The following MYO16 variants were observed in gnomAD, a reference collection of about 807,000 sequenced individuals.
The protein encoded by MYO16 is myosin XVI.
MYO16 carries 94 observed loss-of-function variants against 205.3 expected under a neutral mutation model. The observed-to-expected ratio is 0.46, with a 90% CI of 0.39 to 0.54. MYO16 has a LOEUF of 0.54. MYO16 is among the 20% of genes least tolerant of loss of function. MYO16 has a pLI of 0.00. For missense variants in MYO16, 2,315 were observed against 2,387.5 expected, an observed-to-expected ratio of 0.97 and a Z score of 0.63; for synonymous variants, 988 against 954.0, an observed-to-expected ratio of 1.04 and a Z score of -0.66.
At chr13:108,532,961 T>C in the MYO16 span, among the ~76,000 whole-genome samples, 1 of 152,136 alleles carries the variant, frequency 6.6e-6, no homozygotes, top group African/African-American at 2.4e-5. Context: ...AAAAGCCAGC[T>C]GGCCTCCACT....
At chr13:109,081,572 G>A (rs963933032) in intron 27 of MYO16, among the ~76,000 whole-genome samples, 3 of 152,080 alleles carry the variant, frequency 2.0e-5, no homozygotes, top group African/African-American at 4.8e-5. Flanking sequence ...CTCCCGCAGG[G>A]GCCTTGAGCA....
At chr13:108,912,024 T>C (rs192962953) in intron 16 of MYO16, among the ~76,000 whole-genome samples, 124 of 152,202 alleles carry the variant, frequency 8.1e-4, no homozygotes, top group Non-Finnish European at 2.5e-4. Flanking sequence ...GTCCTGCTGG[T>C]TTTAAGACAG....
intron 1 of MYO16, among the ~76,000 whole-genome samples, chr13:108,619,059 A>G (rs1594147901): frequency 6.6e-6 from 1 of 152,142 alleles, no homozygotes; most frequent in African/African-American, 2.4e-5. Context: ...ATGTAAATAA[A>G]CAGAGTCATA....
intron 27 of MYO16, among the ~76,000 whole-genome samples, chr13:109,073,268 A>AT (rs5806778): frequency 0.064 from 9,402 of 146,344 alleles, 321 homozygotes; most frequent in Non-Finnish European, 0.085. Flanking sequence ...CTCCTGGCTA[A>AT]TTTTTTTTTT....
rs373324550 is a variant in MYO16, at chr13:108,776,941, G to A, written c.508-8694G>A. Among the ~76,000 whole-genome samples, 7 of 152,252 alleles carry A rather than the reference G, an allele frequency of 4.6e-5. No homozygotes were observed. The East Asian group carries it at 9.7e-4, about 21-fold the overall frequency. On this transcript the variant is annotated intron_variant, in intron 4 of 34. Coordinates refer to ENST00000457511, the MANE Select transcript of MYO16 (RefSeq NM_001198950.3). ...TCTGGGTGGAGAACAGTGGGTGTAT[G>A]CCTTGAGAGCATCACAGACACAGAG...
At chr13:109,016,038 C>A (rs1392817020) in intron 22 of MYO16, among the ~76,000 whole-genome samples, 3 of 152,080 alleles carry the variant, frequency 2.0e-5, no homozygotes, top group Non-Finnish European at 4.4e-5. Flanking sequence ...TTCTCTAGTT[C>A]TTTTCATTAT....
At chr13:108,810,493 T>C (rs768872404) in intron 7 of MYO16, among the ~76,000 whole-genome samples, 7 of 152,176 alleles carry the variant, frequency 4.6e-5, no homozygotes, top group Non-Finnish European at 7.3e-5. Flanking sequence ...TAATAGAAGA[T>C]TTTCAGTAAA....
At chr13:108,672,540 T>C (rs1412800993) in intron 2 of MYO16, among the ~76,000 whole-genome samples, 1 of 152,194 alleles carries the variant, frequency 6.6e-6, no homozygotes, top group Non-Finnish European at 1.5e-5. Context: ...TTTTGCTTTA[T>C]AAATGTATTT....
chr13:108,935,258 A>T (rs1882427758), intron 16 of MYO16, among the ~76,000 whole-genome samples: 2 of 152,124 alleles, frequency 1.3e-5, no homozygotes, highest in Admixed American at 1.3e-4. Flanking sequence ...ATGAGCATGG[A>T]ATGTTTTCCC....
intron 27 of MYO16, among the ~76,000 whole-genome samples, chr13:109,080,584 A>G (rs1888254267): frequency 6.6e-6 from 1 of 152,068 alleles, no homozygotes. Context: ...CTCTTCAAAA[A>G]AAAAAAAAAA....
At chr13:109,176,973 T>A (rs1370881099) in intron 33 of MYO16, among the ~76,000 whole-genome samples, 1 of 152,248 alleles carries the variant, frequency 6.6e-6, no homozygotes, top group Non-Finnish European at 1.5e-5. Context: ...GATAAAATGG[T>A]GTCACTTCTC....
At chr13:109,142,116 T>C (rs1877128199) in intron 32 of MYO16, among the ~76,000 whole-genome samples, 2 of 152,236 alleles carry the variant, frequency 1.3e-5, no homozygotes, top group Admixed American at 1.3e-4. Flanking sequence ...AAGATTTTCA[T>C]GACGACGTTT....
the MYO16 span, among the ~76,000 whole-genome samples, chr13:108,516,304 A>G: frequency 2.4e-4 from 36 of 151,796 alleles, no homozygotes; most frequent in South Asian, 6.7e-3. Context: ...TGCGCTTCCC[A>G]GGTGAGGCAA....
At chr13:108,748,157 T>C (rs1016244657) in intron 4 of MYO16, among the ~76,000 whole-genome samples, 1 of 152,080 alleles carries the variant, frequency 6.6e-6, no homozygotes, top group African/African-American at 2.4e-5. Flanking sequence ...ATACAAAATA[T>C]GTTATCAGAC....
intron 2 of MYO16, among the ~76,000 whole-genome samples, chr13:108,701,500 T>A (rs1287939212): frequency 2.6e-5 from 4 of 152,128 alleles, no homozygotes; most frequent in African/African-American, 4.8e-5. Flanking sequence ...GCAAGAAAGT[T>A]CTCACAATAT....
chr13:108,970,726 A>G (rs1245277916), intron 20 of MYO16, among the ~76,000 whole-genome samples: 3 of 152,098 alleles, frequency 2.0e-5, no homozygotes, highest in African/African-American at 7.2e-5. Flanking sequence ...TTTCCCTGCA[A>G]TCCTCAAGAC....
At chr13:108,526,537 T>C in the MYO16 span, among the ~76,000 whole-genome samples, 1 of 152,204 alleles carries the variant, frequency 6.6e-6, no homozygotes, top group Non-Finnish European at 1.5e-5. Context: ...AATAGAGCCT[T>C]TCAGGAAATG....
intron 4 of MYO16, among the ~76,000 whole-genome samples, chr13:108,778,440 GA>G (rs200432146): frequency 0.033 from 5,031 of 152,228 alleles, 240 homozygotes; most frequent in East Asian, 0.23. Context: ...CCAACATGGC[GA>G]AACCCCGTCT....
chr13:109,104,342 T>C (rs1009047212), intron 28 of MYO16, among the ~76,000 whole-genome samples: 1 of 152,210 alleles, frequency 6.6e-6, no homozygotes, highest in Non-Finnish European at 1.5e-5. Context: ...TTGTACAGTG[T>C]CTTTTTTATG....
Sources: gnomAD v4.1 joint callset for allele counts (sites outside exome capture counted in the v4.1 genomes callset) on GRCh38, gnomAD v4.1.1 for gene constraint, MANE v1.5 for transcripts, NCBI Gene and HGNC (gene_info 2026-07-23, HGNC 2026-07-21) for gene names.